The following MR1 variants were observed in gnomAD, a reference collection of about 807,000 sequenced individuals.
The protein encoded by MR1 is major histocompatibility complex, class I-related.
MR1 carries 44 observed loss-of-function variants against 37.8 expected under a neutral mutation model. The ratio of observed to expected loss-of-function variants is 1.16; its 90% CI spans 0.91 to 1.50. The LOEUF is 1.50. Among genes scored for constraint, MR1 ranks in the 40% most tolerant of loss-of-function variants. The pLI, the probability that MR1 is intolerant of heterozygous loss-of-function variation, is 0.00. For missense variants in MR1, 386 were observed against 419.1 expected (o/e 0.92, Z 0.69); for synonymous variants, 153 against 155.8 (o/e 0.98, Z 0.13).
At position 181,050,098 on chromosome 1, in the gene MR1, A is replaced by T; in HGVS notation, c.416A>T (p.Gln139Leu). The change falls in exon 3 of 6, where the codon CAG (glutamine) becomes CTG (leucine). Residue 139 changes from glutamine (Q) to leucine (L), a missense_variant. By Grantham distance (113) the Gln-to-Leu change is moderately radical. Transcript: ENST00000367580. ...TTTCTGCAGTATGCATATGACGGGC[A>T]GGATTTCCTGATCTTCAATAAAGAC... is the stretch of plus-strand genomic sequence containing the variant. Reference protein sequence around the residue: ...TGFLQYAYDGQDFLIFNKDTL... With the variant: ...TGFLQYAYDGLDFLIFNKDTL... 2 of 1,614,240 alleles carry T rather than the reference A, an allele frequency of 1.2e-6. No homozygotes were observed. Among genetic ancestry groups the T allele is most frequent in the Non-Finnish European group, 1.7e-6 (2 of 1,180,050 alleles).
In MR1 at chr1:181,049,441, T is replaced by G. The variant is rs1658159366; in HGVS notation, c.328+129T>G. The G allele has an allele frequency of 2.1e-5, 25 of 1,196,068 alleles. 1 individual carries two copies. The South Asian group carries it at 3.8e-4, about 18-fold the overall frequency. The allele number at this position is 1,196,068 out of a possible 1,614,324, so 74.1% of individuals were successfully genotyped here. ...CTTTGGCAAAGCCTGAGGAATCAGG[T>G]TGGTGGAGTTCAGGGCCTCCCATCT... On this transcript the variant is annotated intron_variant, in intron 2 of 5. Transcript: ENST00000367580.
rs1028257568 is a variant in MR1 at position 181,053,474 on chromosome 1, G to T, written c.881-99G>T. The T allele has an allele frequency of 7.6e-6, 6 of 794,512 alleles. No individual in the cohort carries two copies. The African/African-American group carries it at 8.5e-5, about 11-fold the overall frequency. 49.2% of individuals were successfully genotyped at this position (794,512 alleles called of 1,614,324 possible). A position where few individuals can be genotyped will look rare whatever the true frequency, so the allele number is the denominator to read the frequency against. On this transcript the variant is annotated intron_variant, in intron 4 of 5. Coordinates refer to ENST00000367580, the MANE Select transcript of MR1 (RefSeq NM_001385161.1). Reference sequence around the variant, plus strand: ...GTGAGAAGCAACAGTAAGGAAAATGGTGTTGGGTTTCCTGATGATCACAGG... The same window carrying T: ...GTGAGAAGCAACAGTAAGGAAAATGTTGTTGGGTTTCCTGATGATCACAGG...
chr1:181,050,349 T>G lies in MR1; in HGVS notation c.604+63T>G, dbSNP rs781286902. On this transcript the variant is annotated intron_variant, in intron 3 of 5. Coordinates refer to ENST00000367580, the MANE Select transcript of MR1 (RefSeq NM_001385161.1). ...GAACAACTGTTTTTATACGTAACTC[T>G]TTTAATCTAGGTTATATCCACTGTA... is the stretch of plus-strand genomic sequence containing the variant. 15 of 1,595,176 alleles carry G rather than the reference T, an allele frequency of 9.4e-6. No homozygotes were observed. In the South Asian group the frequency reaches 1.6e-4, roughly 17 times the overall value.
intron 1 of MR1, among the ~76,000 whole-genome samples, chr1:181,047,314 A>T (rs79681579): frequency 2.6e-5 from 4 of 151,986 alleles, no homozygotes; most frequent in Admixed American, 6.6e-5. Context: ...AAAAAAAAAA[A>T]TTTCGGCCGG....
Position 181,061,671 on chromosome 1 carries a change from CTGTT to C in MR1, c.*6409_*6412del, listed in dbSNP as rs1296503773. 1.3e-5 allele frequency: 2 copies of C among 152,208 alleles called. No individual in the cohort carries two copies. Among genetic ancestry groups the C allele is most frequent in the Non-Finnish European group, 2.9e-5 (2 of 68,046 alleles). The allele number at this position is 152,208 out of a possible 1,614,324, so 9.4% of individuals were successfully genotyped here. A position where few individuals can be genotyped will look rare whatever the true frequency, so the allele number is the denominator to read the frequency against. On this transcript the variant is annotated 3_prime_UTR_variant, in exon 6 of 6. Transcript: ENST00000367580. ...AAAATTTTATGTAATACTGCACAGT[CTGTT>C]TGCATGATGCCTTGTACGTAGTAGC...
At position 181,057,617 on chromosome 1, in the gene MR1, G is replaced by A. The variant is rs1658687887; in HGVS notation, c.*2352G>A. On this transcript the variant is annotated 3_prime_UTR_variant, in exon 6 of 6. Coordinates refer to ENST00000367580, the MANE Select transcript of MR1 (RefSeq NM_001385161.1). ...TGGATGAAGAGGAGGCAAGGACAAG[G>A]ATGTGATGACAAAACATTCTGTTAT... 1 of 152,174 alleles carries A rather than the reference G, an allele frequency of 6.6e-6. No individual in the cohort carries two copies. The highest frequency in any genetic ancestry group is 1.9e-4 in the East Asian group (1 of 5,202). The allele number at this position is 152,174 out of a possible 1,614,324, so 9.4% of individuals were successfully genotyped here.
chr1:181,039,865 C>CAAA (rs35762032), intron 1 of MR1, among the ~76,000 whole-genome samples: 2 of 89,764 alleles, frequency 2.2e-5, no homozygotes, highest in Admixed American at 2.5e-4. Flanking sequence ...GACTCCATCT[C>CAAA]AAAAAAAAAA....
Position 181,055,349 on chromosome 1 carries a change from A to G in MR1, c.*84A>G. ...CCATAGAGTCAAGCCTAGTGCTTGA[A>G]GGTCCTGACGACACCCACAACATAC... On this transcript the variant is annotated 3_prime_UTR_variant, in exon 6 of 6. Transcript: ENST00000367580. 7.8e-7 allele frequency: 1 copy of G among 1,281,684 alleles called. No homozygotes were observed. The highest frequency in any genetic ancestry group is 1.1e-6 in the Non-Finnish European group (1 of 883,746). The allele number at this position is 1,281,684 out of a possible 1,614,324, so 79.4% of individuals were successfully genotyped here. A position where few individuals can be genotyped will look rare whatever the true frequency, so the allele number is the denominator to read the frequency against.
intron 1 of MR1, among the ~76,000 whole-genome samples, chr1:181,034,948 C>T (rs1362528259): frequency 1.3e-5 from 2 of 152,154 alleles, no homozygotes; most frequent in Non-Finnish European, 2.9e-5. Context: ...GACCACTACA[C>T]AATCTATGCT....
At chr1:181,040,473 A>T (rs1221200615) in intron 1 of MR1, among the ~76,000 whole-genome samples, 1 of 152,130 alleles carries the variant, frequency 6.6e-6, no homozygotes, top group East Asian at 1.9e-4. Context: ...TGAGTTACTG[A>T]CTGAACATGT....
chr1:181,039,865 C>CAAAAAA (rs35762032), intron 1 of MR1, among the ~76,000 whole-genome samples: 2 of 89,780 alleles, frequency 2.2e-5, no homozygotes, highest in Non-Finnish European at 2.4e-5. Context: ...GACTCCATCT[C>CAAAAAA]AAAAAAAAAA....
chr1:181,049,354 C>T, intron 2 of MR1, 42 bp downstream of exon 2: 21 of 1,581,104 alleles, frequency 1.3e-5, no homozygotes, highest in Non-Finnish European at 1.8e-5. Flanking sequence ...CATCCCACCC[C>T]AACCCGCAGA....
intron 2 of MR1, 30 bp downstream of exon 2, chr1:181,049,342 C>T (rs761748014): frequency 1.3e-6 from 2 of 1,592,112 alleles, no homozygotes; most frequent in East Asian, 2.3e-5. Flanking sequence ...AGACGCTTCC[C>T]CCATCCCACC....
intron 1 of MR1, among the ~76,000 whole-genome samples, chr1:181,035,199 G>C (rs1657210512): frequency 6.6e-6 from 1 of 151,836 alleles, no homozygotes; most frequent in African/African-American, 2.4e-5. Flanking sequence ...AATTAGCTGT[G>C]CACAGTGCGC....
intron 1 of MR1, among the ~76,000 whole-genome samples, chr1:181,038,530 T>C (rs1207733450): frequency 6.6e-6 from 1 of 152,252 alleles, no homozygotes; most frequent in Non-Finnish European, 1.5e-5. Context: ...CAATCAGGAC[T>C]CACGGCCACC....
intron 3 of MR1, among the ~76,000 whole-genome samples, 171 bp from the exon 4 acceptor site, chr1:181,052,064 T>C (rs893493909): frequency 6.6e-6 from 1 of 152,206 alleles, no homozygotes; most frequent in African/African-American, 2.4e-5. Flanking sequence ...CTTGCCATCA[T>C]GGAAGGTATA....
Position 181,055,357 on chromosome 1 carries a change from A to G in MR1, c.*92A>G, listed in dbSNP as rs879160838. ...TCAAGCCTAGTGCTTGAAGGTCCTG[A>G]CGACACCCACAACATACATGAGAGT... On this transcript the variant is annotated 3_prime_UTR_variant, in exon 6 of 6. Coordinates refer to ENST00000367580, the MANE Select transcript of MR1 (RefSeq NM_001385161.1). 1.8e-6 allele frequency: 2 copies of G among 1,133,014 alleles called. No homozygotes were observed. The highest frequency in any genetic ancestry group is 2.6e-5 in the South Asian group (2 of 78,064). The allele number at this position is 1,133,014 out of a possible 1,614,324, so 70.2% of individuals were successfully genotyped here.
intron 5 of MR1, among the ~76,000 whole-genome samples, chr1:181,054,329 C>G (rs1480866820): frequency 6.6e-6 from 1 of 152,162 alleles, no homozygotes; most frequent in East Asian, 1.9e-4. Flanking sequence ...GATACGATCC[C>G]TGTTTTCATA....
At chr1:181,048,439 G>A (rs892974825) in intron 1 of MR1, among the ~76,000 whole-genome samples, 2 of 151,466 alleles carry the variant, frequency 1.3e-5, no homozygotes, top group Non-Finnish European at 2.9e-5. Flanking sequence ...GGAGGCTGGA[G>A]CAGGACAATC....
Sources: allele counts gnomAD v4.1 joint callset (sites outside exome capture counted in the v4.1 genomes callset), GRCh38; gene constraint gnomAD v4.1.1; transcripts MANE v1.5; gene names NCBI Gene and HGNC (gene_info 2026-07-23, HGNC 2026-07-21).